AGBL4: variants seen among roughly 807,000 people sequenced by gnomAD.
The protein encoded by AGBL4 is AGBL carboxypeptidase 4, also known as cytosolic carboxypeptidase 6.
AGBL4 carries 58 observed loss-of-function variants against 66.4 expected under a neutral mutation model. That is an observed-to-expected ratio of 0.87 (90% CI 0.71 to 1.09). The LOEUF is 1.09. Ranked by LOEUF, AGBL4 falls within the 50% of genes least tolerant of loss-of-function variation. The pLI, the probability that AGBL4 is intolerant of heterozygous loss-of-function variation, is 0.00. For synonymous variants in AGBL4, 234 were observed against 222.9 expected, an observed-to-expected ratio of 1.05 and a Z score of -0.44; for missense variants, 579 against 631.0, an observed-to-expected ratio of 0.92 and a Z score of 0.88.
intron 1 of AGBL4, among the ~76,000 whole-genome samples, chr1:50,022,295 T>C (rs989052361): frequency 6.6e-6 from 1 of 152,054 alleles, no homozygotes; most frequent in South Asian, 2.1e-4. Context: ...AGGCAATAAA[T>C]GCTATGAGAA....
intron 4 of AGBL4, among the ~76,000 whole-genome samples, chr1:49,191,214 C>T (rs1299910700): frequency 1.3e-5 from 2 of 152,208 alleles, no homozygotes; most frequent in Admixed American, 6.5e-5. Flanking sequence ...ACTTACAAAA[C>T]ATTCTCTAAA....
At chr1:49,938,671 G>A (rs1457920076) in intron 1 of AGBL4, among the ~76,000 whole-genome samples, 1 of 152,090 alleles carries the variant, frequency 6.6e-6, no homozygotes, top group East Asian at 1.9e-4. Context: ...TTCATCCCCG[G>A]GATGCAAGGC....
rs528007117 is a variant in AGBL4, at chr1:49,322,011, T to G, written c.283-76147A>C. ...TTATTCAGCCTGGGCCCTGAGTAAA[T>G]TTTTAGAGCAGAGCATGCCACCAAC... On this transcript the variant is annotated intron_variant, in intron 3 of 13. Coordinates refer to ENST00000371839, the MANE Select transcript of AGBL4 (RefSeq NM_032785.4). Among the ~76,000 whole-genome samples, 5 of 152,330 alleles carry G rather than the reference T, an allele frequency of 3.3e-5. No individual in the cohort carries two copies. In the South Asian group the frequency reaches 1.0e-3, roughly 32 times the overall value.
At chr1:49,528,665 A>G (rs575857268) in intron 3 of AGBL4, among the ~76,000 whole-genome samples, 2 of 152,256 alleles carry the variant, frequency 1.3e-5, no homozygotes, top group Admixed American at 1.3e-4. Flanking sequence ...GTGGTACCCA[A>G]GGGTTTAGGT....
At chr1:49,372,645 TTCTTTC>T (rs954813944) in intron 3 of AGBL4, among the ~76,000 whole-genome samples, 2 of 139,468 alleles carry the variant, frequency 1.4e-5, no homozygotes, top group African/African-American at 6.2e-5. Context: ...CTTTCTTTCT[TTCTTTC>T]TTTCTTTCTT....
chr1:49,730,141 A>T (rs1054838075), intron 2 of AGBL4, among the ~76,000 whole-genome samples: 5 of 152,110 alleles, frequency 3.3e-5, no homozygotes, highest in Non-Finnish European at 1.5e-5. Flanking sequence ...CTCCTCTCAC[A>T]CAGTGGGCTA....
intron 5 of AGBL4, among the ~76,000 whole-genome samples, chr1:48,869,786 C>A (rs938207643): frequency 6.6e-6 from 1 of 152,116 alleles, no homozygotes; most frequent in Admixed American, 6.6e-5. Flanking sequence ...AGGACAGAGT[C>A]AGATTTTAAA....
chr1:49,687,927 T>C (rs1195682263), intron 3 of AGBL4, among the ~76,000 whole-genome samples: 1 of 152,208 alleles, frequency 6.6e-6, no homozygotes, highest in South Asian at 2.1e-4. Flanking sequence ...ATGTTTTCTA[T>C]TTTTAATTTT....
chr1:49,932,865 G>T (rs966426890), intron 1 of AGBL4, among the ~76,000 whole-genome samples: 22 of 152,090 alleles, frequency 1.4e-4, no homozygotes, highest in Admixed American at 3.9e-4. Flanking sequence ...TATTCAATCA[G>T]AGTAGAAAAT....
At chr1:49,512,864 A>G (rs868562901) in intron 3 of AGBL4, among the ~76,000 whole-genome samples, 5 of 151,960 alleles carry the variant, frequency 3.3e-5, no homozygotes, top group African/African-American at 1.2e-4. Context: ...CCAAAAAAAA[A>G]GTAGAATAAA....
intron 4 of AGBL4, among the ~76,000 whole-genome samples, chr1:49,050,215 G>A (rs979070236): frequency 1.3e-5 from 2 of 152,092 alleles, no homozygotes; most frequent in Non-Finnish European, 2.9e-5. Flanking sequence ...AGGGAGGTCT[G>A]TAACTCACAT....
At chr1:49,140,502 T>C (rs920303651) in intron 4 of AGBL4, among the ~76,000 whole-genome samples, 1 of 152,232 alleles carries the variant, frequency 6.6e-6, no homozygotes, top group South Asian at 2.1e-4. Flanking sequence ...ACTGTACTCA[T>C]TGTGCCAGGA....
At chr1:49,166,395 A>T (rs944797116) in intron 4 of AGBL4, among the ~76,000 whole-genome samples, 2 of 152,128 alleles carry the variant, frequency 1.3e-5, no homozygotes, top group African/African-American at 4.8e-5. Context: ...TACTCAGGCA[A>T]ATCATGCACT....
chr1:49,123,962 T>G lies in AGBL4; in HGVS notation c.378-78162A>C, dbSNP rs553053573. On this transcript the variant is annotated intron_variant, in intron 4 of 13. Transcript: ENST00000371839. ...ATATCTAAAATGGAAAAGAGCTTGGTGCCTTCAAGGTACTGATAGAAGATG... is the reference window on the plus strand; with the variant it reads ...ATATCTAAAATGGAAAAGAGCTTGGGGCCTTCAAGGTACTGATAGAAGATG... Among the ~76,000 whole-genome samples, 22 of 152,300 alleles carry G rather than the reference T, an allele frequency of 1.4e-4. No homozygotes were observed. In the South Asian group the frequency reaches 4.6e-3, roughly 32 times the overall value.
intron 6 of AGBL4, among the ~76,000 whole-genome samples, chr1:48,681,390 C>A (rs900726087): frequency 6.6e-6 from 1 of 152,276 alleles, no homozygotes; most frequent in East Asian, 1.9e-4. Context: ...CCTTAAATTT[C>A]TCTTTCTGCT....
chr1:49,672,749 C>T (rs1196048259), intron 3 of AGBL4, among the ~76,000 whole-genome samples: 2 of 151,324 alleles, frequency 1.3e-5, no homozygotes, highest in African/African-American at 2.4e-5. Flanking sequence ...AGTGAAACCC[C>T]GTCTCAACTA....
chr1:49,096,845 A>T (rs563211493), intron 4 of AGBL4, among the ~76,000 whole-genome samples: 50 of 152,226 alleles, frequency 3.3e-4, no homozygotes, highest in African/African-American at 1.2e-3. Context: ...ATAATAATAA[A>T]AAAAAAACAG....
At chr1:49,380,188 G>GTACAC (rs1644568519) in intron 3 of AGBL4, among the ~76,000 whole-genome samples, 2 of 152,094 alleles carry the variant, frequency 1.3e-5, no homozygotes, top group Non-Finnish European at 2.9e-5. Flanking sequence ...AAAATCACAA[G>GTACAC]CATTCTTATA....
chr1:49,182,538 C>T (rs548304448), intron 4 of AGBL4, among the ~76,000 whole-genome samples: 1 of 152,216 alleles, frequency 6.6e-6, no homozygotes, highest in South Asian at 2.1e-4. Context: ...CATGCCTTGC[C>T]CTGGTTACTT....
Sources: gnomAD v4.1 joint callset for allele counts (sites outside exome capture counted in the v4.1 genomes callset) on GRCh38, gnomAD v4.1.1 for gene constraint, MANE v1.5 for transcripts, NCBI Gene and HGNC (gene_info 2026-07-23, HGNC 2026-07-21) for gene names.